GREM2: variants seen among roughly 807,000 people sequenced by gnomAD.
The protein encoded by GREM2 is gremlin-2.
Under a neutral mutation model 14.2 loss-of-function variants are expected in GREM2, and 11 were observed. That is an observed-to-expected ratio of 0.78 (90% CI 0.49 to 1.28). GREM2 has a LOEUF of 1.28. GREM2 is among the 50% of genes most tolerant of loss of function. The pLI, the probability that GREM2 is intolerant of heterozygous loss-of-function variation, is 0.00. For synonymous variants in GREM2, 98 were observed against 97.6 expected, an observed-to-expected ratio of 1.00 and a Z score of -0.02; for missense variants, 210 against 218.5, an observed-to-expected ratio of 0.96 and a Z score of 0.24.
chr1:240,500,122 A>T lies in GREM2; in HGVS notation c.-1-6646T>A, dbSNP rs373133461. Among the ~76,000 whole-genome samples, 5 of 152,288 alleles carry T rather than the reference A, an allele frequency of 3.3e-5. No individual in the cohort carries two copies. In the East Asian group the frequency reaches 5.8e-4, roughly 18 times the overall value. On this transcript the variant is annotated intron_variant, in intron 1 of 1. Coordinates refer to ENST00000318160, the MANE Select transcript of GREM2 (RefSeq NM_022469.4). ...GATGAAAACAATACTGACATTTCCC[A>T]TTTTTATTTTGCAATCTTTCAGTTT... is the stretch of plus-strand genomic sequence containing the variant.
rs757631978 is a variant in GREM2, at chr1:240,542,012, A to G, written c.-1-48536T>C. ...ATATTGATGACATTAATGGTTTTAA[A>G]CTGGTTGTGATTTTGCCCCTCAGGG... On this transcript the variant is annotated intron_variant, in intron 1 of 1. Coordinates refer to ENST00000318160, the MANE Select transcript of GREM2 (RefSeq NM_022469.4). This position sits in a 1 kb window ranked among gnomAD's most constrained non-coding sequence, Gnocchi z 4.1. Among the ~76,000 whole-genome samples the G allele has an allele frequency of 1.3e-5, 2 of 152,052 alleles. No homozygotes were observed. Among genetic ancestry groups the G allele is most frequent in the African/African-American group, 2.4e-5 (1 of 41,408 alleles).
At chr1:240,497,454 GAAAGGGA>G (rs1677453002) in intron 1 of GREM2, among the ~76,000 whole-genome samples, 1 of 151,958 alleles carries the variant, frequency 6.6e-6, no homozygotes, top group Admixed American at 6.5e-5. Context: ...TAGTGAGGGC[GAAAGGGA>G]AAAGCATCGG....
chr1:240,543,216 T>A lies in GREM2; in HGVS notation c.-1-49740A>T, dbSNP rs139619172. Among the ~76,000 whole-genome samples, 1 of 152,204 alleles carries A rather than the reference T, an allele frequency of 6.6e-6. No homozygotes were observed. The highest frequency in any genetic ancestry group is 1.5e-5 in the Non-Finnish European group (1 of 68,044). ...ACTGCTCTACGGCCTAGGACAGTAA[T>A]CAGAGAAAATGCACTGTAAAATGTG... On this transcript the variant is annotated intron_variant, in intron 1 of 1. Coordinates refer to ENST00000318160, the MANE Select transcript of GREM2 (RefSeq NM_022469.4). This position sits in a 1 kb window ranked among gnomAD's most constrained non-coding sequence, Gnocchi z 6.4.
chr1:240,533,802 A>T (rs1678414711), intron 1 of GREM2, among the ~76,000 whole-genome samples: 1 of 152,222 alleles, frequency 6.6e-6, no homozygotes, highest in Non-Finnish European at 1.5e-5. Context: ...GGCTGATAGA[A>T]TGGATGGTGA....
intron 1 of GREM2, among the ~76,000 whole-genome samples, chr1:240,499,723 T>G (rs1339278406): frequency 2.6e-5 from 4 of 152,162 alleles, no homozygotes; most frequent in Non-Finnish European, 1.5e-5. Flanking sequence ...ACCCCCAGCT[T>G]CTATAAACTA....
At chr1:240,563,820 AG>A (rs1679119801) in intron 1 of GREM2, among the ~76,000 whole-genome samples, 1 of 152,176 alleles carries the variant, frequency 6.6e-6, no homozygotes, top group Non-Finnish European at 1.5e-5. Context: ...TAAAACCTAT[AG>A]GTAGACATGT....
chr1:240,597,362 G>A (rs1278166947), intron 1 of GREM2, among the ~76,000 whole-genome samples: 2 of 152,188 alleles, frequency 1.3e-5, no homozygotes, highest in Admixed American at 1.3e-4. Context: ...TCACAGCAGA[G>A]CTGCTATGCT....
chr1:240,594,874 C>T (rs998086689), intron 1 of GREM2, among the ~76,000 whole-genome samples: 7 of 152,114 alleles, frequency 4.6e-5, no homozygotes, highest in African/African-American at 1.2e-4. Flanking sequence ...TGCTCAGAGG[C>T]TACCAACCTG....
chr1:240,582,367 G>A (rs1456919526), intron 1 of GREM2, among the ~76,000 whole-genome samples: 2 of 152,080 alleles, frequency 1.3e-5, no homozygotes, highest in African/African-American at 4.8e-5. Context: ...CACAGGAGGT[G>A]GAGGTTGCAG....
rs546036910 is a variant in GREM2, at chr1:240,563,190, TGTGA to T, written c.-2+48690_-2+48693del. On this transcript the variant is annotated intron_variant, in intron 1 of 1. Transcript: ENST00000318160. ...GTGTGAGTGTGTGTATGTGTACGTG[TGTGA>T]GTGTGTGTAAGTGAGTGTGTGTTTG... Among the ~76,000 whole-genome samples the T allele has an allele frequency of 7.1e-4, 107 of 151,400 alleles. 1 individual carries two copies. The highest frequency in any genetic ancestry group is 6.8e-3 in the Middle Eastern group (2 of 294).
chr1:240,499,771 A>T (rs1677523409), intron 1 of GREM2, among the ~76,000 whole-genome samples: 1 of 152,172 alleles, frequency 6.6e-6, no homozygotes. Context: ...CCAACCTGAG[A>T]TCTGTTTTGT....
chr1:240,498,313 T>G (rs950797226), intron 1 of GREM2, among the ~76,000 whole-genome samples: 1 of 152,224 alleles, frequency 6.6e-6, no homozygotes, highest in Non-Finnish European at 1.5e-5. Flanking sequence ...TCTCGATGAC[T>G]GGGGCGAAGT....
At chr1:240,566,022 C>A (rs1300366049) in intron 1 of GREM2, among the ~76,000 whole-genome samples, 1 of 152,052 alleles carries the variant, frequency 6.6e-6, no homozygotes, top group Non-Finnish European at 1.5e-5. Flanking sequence ...CACAGGCAAA[C>A]ACTAAATCAT....
At chr1:240,595,941 C>G (rs1017776265) in intron 1 of GREM2, among the ~76,000 whole-genome samples, 3 of 152,032 alleles carry the variant, frequency 2.0e-5, no homozygotes, top group African/African-American at 7.2e-5. Context: ...TTCTGGAGAA[C>G]GAGGATAACA....
chr1:240,498,682 C>G (rs1677490492), intron 1 of GREM2, among the ~76,000 whole-genome samples: 1 of 152,220 alleles, frequency 6.6e-6, no homozygotes, highest in African/African-American at 2.4e-5. Flanking sequence ...AAGTCCCACT[C>G]TGTCCTGAAC....
intron 1 of GREM2, among the ~76,000 whole-genome samples, chr1:240,494,217 G>A (rs1481105686): frequency 5.3e-5 from 8 of 152,202 alleles, no homozygotes; most frequent in Non-Finnish European, 1.2e-4. Flanking sequence ...TTCAGTTGGA[G>A]GTGGTATTAT....
chr1:240,514,735 CA>C (rs1209004868), intron 1 of GREM2, among the ~76,000 whole-genome samples: 3 of 152,206 alleles, frequency 2.0e-5, no homozygotes, highest in African/African-American at 7.2e-5. Flanking sequence ...ACCATCTCTA[CA>C]AAAAAATTTA....
chr1:240,516,245 G>A (rs943458763), intron 1 of GREM2, among the ~76,000 whole-genome samples: 4 of 151,720 alleles, frequency 2.6e-5, no homozygotes, highest in Non-Finnish European at 2.9e-5. Flanking sequence ...AGAGGCATGC[G>A]CCACAGCACC....
chr1:240,519,693 CA>C (rs1458711929), intron 1 of GREM2, among the ~76,000 whole-genome samples: 6 of 152,018 alleles, frequency 3.9e-5, no homozygotes, highest in African/African-American at 1.4e-4. Context: ...TAAAAAGATA[CA>C]TTTTTTTTTT....
Sources: gnomAD v4.1 joint callset for allele counts (sites outside exome capture counted in the v4.1 genomes callset) on GRCh38, gnomAD v4.1.1 for gene constraint, Gnocchi (gnomAD v3.1) non-coding constraint, MANE v1.5 for transcripts, NCBI Gene and HGNC (gene_info 2026-07-23, HGNC 2026-07-21) for gene names.